Variants in SBF2 observed in about 807,000 individuals in gnomAD.
SBF2 encodes the protein SET binding factor 2, also known as myotubularin-related protein 13.
Under a neutral mutation model 225.2 loss-of-function variants are expected in SBF2, and 112 were observed. That is an observed-to-expected ratio of 0.50 (90% CI 0.43 to 0.58). The LOEUF (loss-of-function observed/expected upper bound fraction) is 0.58. SBF2 is among the 20% of genes least tolerant of loss of function. The pLI, the probability that SBF2 is intolerant of heterozygous loss-of-function variation, is 0.00. For synonymous variants in SBF2, 763 were observed against 773.3 expected, an observed-to-expected ratio of 0.99 and a Z score of 0.22; for missense variants, 1,996 against 2,206.2, an observed-to-expected ratio of 0.90 and a Z score of 1.91.
At chr11:10,288,941 G>A (rs1310335187) in intron 1 of SBF2, among the ~76,000 whole-genome samples, 1 of 152,180 alleles carries the variant, frequency 6.6e-6, no homozygotes, top group Non-Finnish European at 1.5e-5. Context: ...CCGGCCTGAA[G>A]GTGGGGCCTC....
intron 1 of SBF2, among the ~76,000 whole-genome samples, chr11:10,220,529 C>G (rs1958303296): frequency 6.6e-6 from 1 of 152,188 alleles, no homozygotes. Context: ...CCACCACTCC[C>G]TTAGGCCTTC....
chr11:9,782,461 T>G (rs1349085831), intron 38 of SBF2, among the ~76,000 whole-genome samples: 1 of 152,166 alleles, frequency 6.6e-6, no homozygotes, highest in East Asian at 1.9e-4. Context: ...GCTGATGATA[T>G]CCAATAAGGT....
At chr11:9,783,341 C>A (rs57125659) in intron 38 of SBF2, among the ~76,000 whole-genome samples, 1,899 of 152,312 alleles carry the variant, frequency 0.012, 43 homozygotes, top group African/African-American at 0.043. Context: ...AAAAGCTGGA[C>A]TCCAAATACA....
rs183115252 is a variant in SBF2 at position 9,870,270 on chromosome 11, C to T, written c.1930-11874G>A. 1.3e-3 allele frequency among the ~76,000 whole-genome samples: 192 copies of T among 152,220 alleles called. 1 individual carries two copies. The highest frequency in any genetic ancestry group is 2.9e-3 in the Admixed American group (45 of 15,284). On this transcript the variant is annotated intron_variant, in intron 17 of 39. Transcript: ENST00000256190. ...TGAAGAATCAGTATTGTGAAAATGG[C>T]CATACTGCCCAAAATAATTTATAGA...
chr11:10,098,483 A>C (rs1191091882), intron 2 of SBF2, among the ~76,000 whole-genome samples: 1 of 151,770 alleles, frequency 6.6e-6, no homozygotes, highest in Non-Finnish European at 1.5e-5. Flanking sequence ...ATTAAAAAAA[A>C]AAAAACAAAG....
intron 1 of SBF2, among the ~76,000 whole-genome samples, chr11:10,262,724 T>C (rs1173798139): frequency 2.0e-5 from 3 of 152,166 alleles, no homozygotes; most frequent in East Asian, 1.9e-4. Flanking sequence ...CACACACACA[T>C]TGAAAGCTAA....
intron 2 of SBF2, among the ~76,000 whole-genome samples, chr11:10,104,181 G>A (rs1952450050): frequency 1.3e-5 from 2 of 151,996 alleles, no homozygotes; most frequent in African/African-American, 4.8e-5. Flanking sequence ...TCCTGTTGTG[G>A]TCAGAGAAGA....
intron 16 of SBF2, among the ~76,000 whole-genome samples, chr11:9,924,959 G>C (rs1255189275): frequency 6.6e-6 from 1 of 151,222 alleles, no homozygotes; most frequent in Non-Finnish European, 1.5e-5. Context: ...ATGTTGCCCA[G>C]GCTGGTCTTG....
chr11:10,143,852 G>C (rs1954764497), intron 2 of SBF2, among the ~76,000 whole-genome samples: 2 of 152,074 alleles, frequency 1.3e-5, no homozygotes, highest in Admixed American at 6.6e-5. Flanking sequence ...CGAGTAGCTG[G>C]GACTACAGGC....
intron 16 of SBF2, chr11:9,957,785 C>T (rs7951950): frequency 0.38 from 58,179 of 151,662 alleles, 11,783 homozygotes; most frequent in Admixed American, 0.45. Flanking sequence ...AATATAAAAA[C>T]ACTACTCTGT....
chr11:10,226,221 T>A (rs1192692559), intron 1 of SBF2, among the ~76,000 whole-genome samples: 1 of 152,162 alleles, frequency 6.6e-6, no homozygotes, highest in Non-Finnish European at 1.5e-5. Flanking sequence ...TAGAAAGATG[T>A]CCCAAAAAAC....
At chr11:10,057,262 AC>A (rs1313830989) in intron 2 of SBF2, among the ~76,000 whole-genome samples, 1 of 151,526 alleles carries the variant, frequency 6.6e-6, no homozygotes, top group Non-Finnish European at 1.5e-5. Flanking sequence ...GCCTCCAGCC[AC>A]CCCCTGCCAG....
chr11:10,272,071 T>C, intron 1 of SBF2: 1 of 1,141,886 alleles, frequency 8.8e-7, no homozygotes, highest in Non-Finnish European at 1.2e-6. Context: ...AAGCACAGGA[T>C]CTAGGCTCCC....
intron 1 of SBF2, among the ~76,000 whole-genome samples, chr11:10,239,813 T>C (rs572808837): frequency 2.0e-4 from 31 of 152,332 alleles, no homozygotes; most frequent in African/African-American, 7.0e-4. Context: ...TAGAAAAGTA[T>C]TGATATACAT....
At chr11:10,092,900 A>ATG (rs1407401967) in intron 2 of SBF2, among the ~76,000 whole-genome samples, 1 of 152,120 alleles carries the variant, frequency 6.6e-6, no homozygotes, top group African/African-American at 2.4e-5. Context: ...AAACAAAAAC[A>ATG]TGCTATCCAC....
At chr11:10,046,594 G>A (rs1377496230) in intron 2 of SBF2, among the ~76,000 whole-genome samples, 1 of 151,250 alleles carries the variant, frequency 6.6e-6, no homozygotes, top group South Asian at 2.1e-4. Flanking sequence ...CAGTACACTA[G>A]AAGTAGAGGG....
intron 2 of SBF2, among the ~76,000 whole-genome samples, chr11:10,071,263 CTCTTTTTT>C (rs1281911399): frequency 4.2e-4 from 53 of 124,960 alleles, no homozygotes; most frequent in African/African-American, 1.4e-3. Context: ...TTCTCTCTCT[CTCTTTTTT>C]TTTTTTTTTT....
intron 2 of SBF2, chr11:10,164,977 G>A (rs1024262484): frequency 1.3e-5 from 2 of 152,156 alleles, no homozygotes; most frequent in African/African-American, 4.8e-5. Flanking sequence ...CCAAAACCTT[G>A]GAACAACTCT....
At chr11:9,796,444 TACA>T (rs769808139) in intron 32 of SBF2, among the ~76,000 whole-genome samples, 12 of 152,152 alleles carry the variant, frequency 7.9e-5, no homozygotes, top group Non-Finnish European at 1.5e-4. Flanking sequence ...TAGTGTGACA[TACA>T]ACAAGAAAAA....
Sources: allele counts gnomAD v4.1 joint callset (sites outside exome capture counted in the v4.1 genomes callset), GRCh38; gene constraint gnomAD v4.1.1; transcripts MANE v1.5; gene names NCBI Gene and HGNC (gene_info 2026-07-23, HGNC 2026-07-21).